The following TEAD1 variants were observed in gnomAD, a reference collection of about 807,000 sequenced individuals.
TEAD1 encodes TEA domain transcription factor 1, also known as transcriptional enhancer factor TEF-1.
A neutral mutation model predicts 54.9 loss-of-function variants in TEAD1; 9 were observed. The ratio of observed to expected loss-of-function variants is 0.16; its 90% CI spans 0.10 to 0.29. The LOEUF is 0.29. TEAD1 is among the 10% of genes least tolerant of loss of function. TEAD1 has a pLI of 1.00. For missense variants in TEAD1, 387 were observed against 535.9 expected (o/e 0.72, Z 2.74); for synonymous variants, 200 against 187.8 (o/e 1.07, Z -0.53).
intron 2 of TEAD1, among the ~76,000 whole-genome samples, chr11:12,684,716 G>T (rs1057084126): frequency 6.6e-6 from 1 of 152,170 alleles, no homozygotes; most frequent in Non-Finnish European, 1.5e-5. Flanking sequence ...AGAGCTGTAG[G>T]TGTGGCTGCT....
Position 12,769,845 on chromosome 11 carries a change from C to T in TEAD1, c.202+5411C>T, listed in dbSNP as rs549876407. 4.6e-5 allele frequency among the ~76,000 whole-genome samples: 7 copies of T among 152,222 alleles called. No individual in the cohort carries two copies. In the East Asian group the frequency reaches 1.2e-3, roughly 25 times the overall value. On this transcript the variant is annotated intron_variant, in intron 3 of 12. Transcript: ENST00000527636. The stretch of plus-strand genomic sequence containing the variant: ...CCGATCACAGGATGTATTTCAAGGC[C>T]TGGAATATAGAAGGTGTCAGTAATG...
chr11:12,675,650 C>T (rs567580219), intron 2 of TEAD1, 89 bp downstream of exon 2: 2 of 152,268 alleles, frequency 1.3e-5, no homozygotes, highest in Admixed American at 1.3e-4. Context: ...AGTCTTTGTT[C>T]GTAACAGCAA....
At position 12,764,242 on chromosome 11, in the gene TEAD1, A is replaced by T. The variant is rs1211696636; in HGVS notation, c.10A>T (p.Ser4Cys). The T allele has an allele frequency of 6.2e-7, 1 of 1,613,820 alleles. No individual in the cohort carries two copies. The highest frequency in any genetic ancestry group is 1.3e-5 in the African/African-American group (1 of 74,932). Residue 4 changes from serine (S) to cysteine (C), a missense_variant, in exon 3 of 13, where the codon AGC becomes TGC. By Grantham distance (112) the Ser-to-Cys change is moderately radical (BLOSUM62 -1). This residue lies in a region of TEAD1 where 55 missense variants were observed against 50.4 expected (regional missense o/e 1.09). Coordinates refer to ENST00000527636, the MANE Select transcript of TEAD1 (RefSeq NM_021961.6). ...AAATCCCACCGCCAAAATTGAGCCCAGCAGCTGGAGCGGCAGTGAGAGCCC... is the reference window on the plus strand; with the variant it reads ...AAATCCCACCGCCAAAATTGAGCCCTGCAGCTGGAGCGGCAGTGAGAGCCC...
chr11:12,770,766 C>T (rs1311785385), intron 3 of TEAD1, among the ~76,000 whole-genome samples: 4 of 152,108 alleles, frequency 2.6e-5, no homozygotes, highest in Non-Finnish European at 5.9e-5. Flanking sequence ...ATATTCTGTA[C>T]TAGAGATATA....
intron 9 of TEAD1, among the ~76,000 whole-genome samples, chr11:12,896,881 G>A (rs1948323547): frequency 6.6e-6 from 1 of 152,176 alleles, no homozygotes; most frequent in Non-Finnish European, 1.5e-5. Context: ...ATGTATGATG[G>A]ATGATAGGTG....
intron 1 of TEAD1, among the ~76,000 whole-genome samples, 167 bp downstream of exon 1, chr11:12,675,001 C>T (rs1232201087): frequency 6.7e-6 from 1 of 148,276 alleles, no homozygotes; most frequent in Non-Finnish European, 1.5e-5. Flanking sequence ...CCCGCCTCCC[C>T]GCGCCCCCTC....
At chr11:12,691,141 T>C (rs1349499344) in intron 2 of TEAD1, among the ~76,000 whole-genome samples, 4 of 152,220 alleles carry the variant, frequency 2.6e-5, no homozygotes, top group African/African-American at 9.6e-5. Flanking sequence ...TTTTTTTGTT[T>C]TGCATATCAT....
At chr11:12,806,897 T>C (rs1308991131) in intron 3 of TEAD1, among the ~76,000 whole-genome samples, 1 of 152,194 alleles carries the variant, frequency 6.6e-6, no homozygotes, top group Non-Finnish European at 1.5e-5. Flanking sequence ...ATCAAACGAA[T>C]TGGTAGGTTG....
At chr11:12,898,519 C>T (rs957834060) in intron 9 of TEAD1, among the ~76,000 whole-genome samples, 2 of 151,766 alleles carry the variant, frequency 1.3e-5, no homozygotes, top group African/African-American at 2.4e-5. Flanking sequence ...CTCAGCCTCC[C>T]GAGTAGCTGG....
At chr11:12,790,561 A>C (rs1945778049) in intron 3 of TEAD1, among the ~76,000 whole-genome samples, 1 of 152,244 alleles carries the variant, frequency 6.6e-6, no homozygotes, top group African/African-American at 2.4e-5. Context: ...AAAGTGAAGG[A>C]ACCCTTGTAT....
intron 3 of TEAD1, among the ~76,000 whole-genome samples, chr11:12,789,578 G>C (rs191718577): frequency 1.3e-5 from 2 of 152,204 alleles, no homozygotes; most frequent in African/African-American, 2.4e-5. Context: ...GAAGGTAGGC[G>C]GTGGGAACCC....
In TEAD1 at chr11:12,756,920, G is replaced by A. The variant is rs1944993600; in HGVS notation, c.-54-7259G>A. Among the ~76,000 whole-genome samples, 3 of 152,190 alleles carry A rather than the reference G, an allele frequency of 2.0e-5. No individual in the cohort carries two copies. The South Asian group carries it at 6.2e-4, about 32-fold the overall frequency. ...GGCTGAATTTGGTTTTGAGGTACCA[G>A]TTCACTTTGGAAGTAAAGCACCTTT... On this transcript the variant is annotated intron_variant, in intron 2 of 12. Transcript: ENST00000527636.
chr11:12,933,457 C>G (rs899420144), intron 12 of TEAD1, among the ~76,000 whole-genome samples: 1 of 152,102 alleles, frequency 6.6e-6, no homozygotes, highest in Non-Finnish European at 1.5e-5. Flanking sequence ...CAAATCATCT[C>G]TTATACTTTA....
intron 9 of TEAD1, among the ~76,000 whole-genome samples, chr11:12,886,221 G>C (rs1460707009): frequency 6.6e-6 from 1 of 152,210 alleles, no homozygotes; most frequent in African/African-American, 2.4e-5. Flanking sequence ...TAAGTTGCTA[G>C]AGTAGAGGCC....
At chr11:12,820,493 T>G (rs1946522266) in intron 3 of TEAD1, among the ~76,000 whole-genome samples, 1 of 152,144 alleles carries the variant, frequency 6.6e-6, no homozygotes. Context: ...GAGTTACAGG[T>G]CAGACATGTC....
rs568229560 is a variant in TEAD1 at position 12,878,777 on chromosome 11, A to G, written c.331-931A>G. The G allele has an allele frequency of 3.2e-5, 18 of 567,756 alleles. 1 individual carries two copies. Among genetic ancestry groups the G allele is most frequent in the East Asian group, 7.1e-5 (1 of 14,032 alleles). 35.2% of individuals were successfully genotyped at this position (567,756 alleles called of 1,614,324 possible). A position where few individuals can be genotyped will look rare whatever the true frequency, so the allele number is the denominator to read the frequency against. On this transcript the variant is annotated intron_variant, in intron 5 of 12. Transcript: ENST00000527636. ...TCCCAAGTATTATATGTTTGTGTAC[A>G]TATATACATATGTATATATACACAT...
chr11:12,867,046 A>C (rs921565385), intron 5 of TEAD1, among the ~76,000 whole-genome samples: 2 of 152,160 alleles, frequency 1.3e-5, no homozygotes, highest in African/African-American at 4.8e-5. Flanking sequence ...TAAGCTCACT[A>C]TGAAGTGACT....
chr11:12,749,016 C>T (rs2133903294), intron 2 of TEAD1, among the ~76,000 whole-genome samples: 1 of 152,248 alleles, frequency 6.6e-6, no homozygotes, highest in South Asian at 2.1e-4. Context: ...GTGGGATTCT[C>T]CCAGGACCTG....
At chr11:12,752,919 C>G (rs547239375) in intron 2 of TEAD1, among the ~76,000 whole-genome samples, 1 of 151,936 alleles carries the variant, frequency 6.6e-6, no homozygotes, top group East Asian at 1.9e-4. Flanking sequence ...CAGCTCACTA[C>G]AGCTTGACCG....
Sources: gnomAD v4.1 joint callset for allele counts (sites outside exome capture counted in the v4.1 genomes callset) on GRCh38, gnomAD v4.1.1 for gene constraint, gnomAD v4.1.1 regional missense constraint, MANE v1.5 for transcripts, NCBI Gene and HGNC (gene_info 2026-07-23, HGNC 2026-07-21) for gene names.